The following PREX2 variants were observed in gnomAD, a reference collection of about 807,000 sequenced individuals.
PREX2 encodes phosphatidylinositol-3,4,5-trisphosphate dependent Rac exchange factor 2, also known as phosphatidylinositol 3,4,5-trisphosphate-dependent Rac exchanger 2 protein.
PREX2 carries 107 observed loss-of-function variants against 203.2 expected under a neutral mutation model. The observed-to-expected ratio is 0.53, with a 90% confidence interval of 0.45 to 0.62. The LOEUF (loss-of-function observed/expected upper bound fraction) is 0.62, where lower values mean the gene tolerates loss of function less well. PREX2 is among the 20% of genes least tolerant of loss of function. PREX2 has a pLI of 0.00. For synonymous variants in PREX2, 672 were observed against 663.6 expected (o/e 1.01, Z -0.19); for missense variants, 1,777 against 1,955.9 (o/e 0.91, Z 1.72).
intron 35 of PREX2, among the ~76,000 whole-genome samples, chr8:68,169,731 A>G (rs1282463596): frequency 6.6e-6 from 1 of 152,164 alleles, no homozygotes; most frequent in Non-Finnish European, 1.5e-5. Flanking sequence ...ATCTGAGTCA[A>G]TGGAGTGAAC....
At chr8:68,019,057 A>G (rs2129610191) in intron 2 of PREX2, among the ~76,000 whole-genome samples, 1 of 152,342 alleles carries the variant, frequency 6.6e-6, no homozygotes, top group Admixed American at 6.5e-5. Flanking sequence ...TGTGACCCAG[A>G]GAGGCCAGCA....
chr8:68,109,049 T>C, intron 24 of PREX2: 1 of 445,564 alleles, frequency 2.2e-6, no homozygotes, highest in Non-Finnish European at 4.5e-6. Flanking sequence ...CCTGGGGTGG[T>C]TGGGTGGGGG....
chr8:68,169,447 G>GAA (rs1354710663), intron 35 of PREX2, among the ~76,000 whole-genome samples: 3 of 152,002 alleles, frequency 2.0e-5, no homozygotes, highest in African/African-American at 7.2e-5. Context: ...ACGTGGAACA[G>GAA]GCACGCTGTT....
At chr8:68,115,724 G>A (rs1291970388) in intron 25 of PREX2, 29 bp from the exon 26 acceptor site, 2 of 1,545,378 alleles carry the variant, frequency 1.3e-6, no homozygotes, top group East Asian at 2.3e-5. Context: ...GTTTGAAAAT[G>A]TGCATTTTTT....
chr8:68,192,761 G>A (rs1812323825), intron 37 of PREX2: 2 of 389,796 alleles, frequency 5.1e-6, no homozygotes, highest in Non-Finnish European at 9.1e-6. Context: ...TCTTATCATA[G>A]TTGCATTTAT....
intron 34 of PREX2, among the ~76,000 whole-genome samples, chr8:68,156,174 C>T (rs994035977): frequency 6.6e-6 from 1 of 152,176 alleles, no homozygotes; most frequent in African/African-American, 2.4e-5. Context: ...TATCTTCCCA[C>T]TTCAGCCTCC....
chr8:68,150,858 T>C (rs561787508), intron 34 of PREX2, among the ~76,000 whole-genome samples: 8 of 152,142 alleles, frequency 5.3e-5, no homozygotes, highest in Non-Finnish European at 1.0e-4. Context: ...AAGTTGGAAA[T>C]CAGGATGTTG....
At chr8:68,187,843 G>A (rs1390827837) in intron 35 of PREX2, among the ~76,000 whole-genome samples, 1 of 152,156 alleles carries the variant, frequency 6.6e-6, no homozygotes. Flanking sequence ...GAGATGAAAT[G>A]CAAGTGATGA....
At chr8:68,137,097 G>C (rs190936362) in intron 32 of PREX2, among the ~76,000 whole-genome samples, 6 of 151,914 alleles carry the variant, frequency 3.9e-5, no homozygotes, top group South Asian at 2.1e-4. Context: ...GTAGAGACAG[G>C]GTTTCACCAT....
chr8:68,049,882 ATG>A (rs1372107040), intron 8 of PREX2, among the ~76,000 whole-genome samples: 5 of 152,066 alleles, frequency 3.3e-5, no homozygotes, highest in African/African-American at 1.2e-4. Context: ...ATATTGAACA[ATG>A]TGCTATGATT....
chr8:68,199,232 C>T (rs1443446709), intron 37 of PREX2, among the ~76,000 whole-genome samples: 1 of 152,132 alleles, frequency 6.6e-6, no homozygotes, highest in African/African-American at 2.4e-5. Context: ...GCAAGACCAG[C>T]CCATTACCAT....
At chr8:68,028,797 AG>A (rs2129610456) in intron 5 of PREX2, among the ~76,000 whole-genome samples, 1 of 152,228 alleles carries the variant, frequency 6.6e-6, no homozygotes, top group South Asian at 2.1e-4. Context: ...GGAGATTAAA[AG>A]GTTACATCAT....
intron 21 of PREX2, 88 bp from the exon 22 acceptor site, chr8:68,096,929 T>C: frequency 9.0e-7 from 1 of 1,108,158 alleles, no homozygotes. Context: ...AAGAACTCTT[T>C]AAAAATTATT....
intron 1 of PREX2, among the ~76,000 whole-genome samples, chr8:67,964,028 C>T (rs1805703683): frequency 6.6e-6 from 1 of 152,106 alleles, no homozygotes; most frequent in Non-Finnish European, 1.5e-5. Context: ...AGCCAGGCCT[C>T]AGTATTTATG....
chr8:68,072,832 T>G (rs1025199912), intron 14 of PREX2, among the ~76,000 whole-genome samples: 25 of 152,312 alleles, frequency 1.6e-4, no homozygotes, highest in Non-Finnish European at 5.9e-5. Flanking sequence ...AAAACACTAA[T>G]TTGAGAATCT....
At chr8:68,072,716 T>C (rs1047069174) in intron 14 of PREX2, 146 bp downstream of exon 14, 4 of 508,446 alleles carry the variant, frequency 7.9e-6, no homozygotes, top group Admixed American at 3.7e-5. Flanking sequence ...GAGTTAGGAT[T>C]TGAACCTAGA....
Position 68,138,520 on chromosome 8 carries a change from A to G in PREX2, c.4087+3A>G, listed in dbSNP as rs775465158. On this transcript the variant is annotated splice_donor_region_variant and intron_variant, in intron 33 of 39. Transcript: ENST00000288368. ...AGAAGAGGAACCTCTGGTTGCAAGT[A>G]AGTAATTAGGTATTTACAAAATTTA... is the stretch of plus-strand genomic sequence containing the variant. 2.0e-6 allele frequency: 3 copies of G among 1,491,956 alleles called. No individual in the cohort carries two copies. Among genetic ancestry groups the G allele is most frequent in the East Asian group, 4.6e-5 (2 of 43,770 alleles). 92.4% of individuals were successfully genotyped at this position (1,491,956 alleles called of 1,614,324 possible).
chr8:68,077,094 T>C (rs141991379), intron 14 of PREX2, among the ~76,000 whole-genome samples: 142 of 152,360 alleles, frequency 9.3e-4, no homozygotes, highest in African/African-American at 3.3e-3. Flanking sequence ...AGAAATCTAA[T>C]CTAAGAAATA....
intron 32 of PREX2, among the ~76,000 whole-genome samples, chr8:68,136,219 G>T (rs1306639886): frequency 1.3e-5 from 2 of 152,084 alleles, no homozygotes; most frequent in African/African-American, 4.8e-5. Flanking sequence ...TTAAATGGGT[G>T]AATTTTACAG....
Sources: gnomAD v4.1 joint callset for allele counts (sites outside exome capture counted in the v4.1 genomes callset) on GRCh38, gnomAD v4.1.1 for gene constraint, MANE v1.5 for transcripts, NCBI Gene and HGNC (gene_info 2026-07-23, HGNC 2026-07-21) for gene names.